The following RAB6B variants were observed in gnomAD, a reference collection of about 807,000 sequenced individuals.
RAB6B encodes the protein ras-related protein Rab-6B.
RAB6B carries 7 observed loss-of-function variants against 31.2 expected under a neutral mutation model. The ratio of observed to expected loss-of-function variants is 0.22; its 90% CI spans 0.13 to 0.42. RAB6B has a LOEUF of 0.42. RAB6B is among the 10% of genes least tolerant of loss of function. The pLI is 1.00. For synonymous variants in RAB6B, 105 were observed against 104.9 expected (o/e 1.00, Z -0.01); for missense variants, 149 against 280.6 (o/e 0.53, Z 3.35).
chr3:133,853,239 G>T (rs1936026977), intron 2 of RAB6B, among the ~76,000 whole-genome samples: 1 of 152,176 alleles, frequency 6.6e-6, no homozygotes, highest in Non-Finnish European at 1.5e-5. Context: ...GGGTATGAGT[G>T]TGTGTGAGCA....
intron 1 of RAB6B, among the ~76,000 whole-genome samples, chr3:133,886,784 TACTATTTCATTA>T (rs1051012930): frequency 2.0e-5 from 3 of 152,228 alleles, no homozygotes; most frequent in African/African-American, 7.2e-5. Flanking sequence ...AGATTGCTGT[TACTATTTCATTA>T]ACAAAATTAC....
At chr3:133,872,495 A>T (rs961778471) in intron 1 of RAB6B, among the ~76,000 whole-genome samples, 8 of 152,314 alleles carry the variant, frequency 5.3e-5, no homozygotes, top group African/African-American at 1.9e-4. Context: ...ACAGTTAGAG[A>T]CACCAGCTAT....
At chr3:133,884,303 C>T (rs1252371375) in intron 1 of RAB6B, among the ~76,000 whole-genome samples, 3 of 152,206 alleles carry the variant, frequency 2.0e-5, no homozygotes, top group Non-Finnish European at 2.9e-5. Context: ...TGAGCTGACC[C>T]GTGAGCAGGG....
intron 2 of RAB6B, among the ~76,000 whole-genome samples, chr3:133,841,892 C>T (rs779546430): frequency 6.6e-6 from 1 of 152,162 alleles, no homozygotes; most frequent in African/African-American, 2.4e-5. Flanking sequence ...GAGATCTTCT[C>T]TGGAGAGGGC....
intron 2 of RAB6B, among the ~76,000 whole-genome samples, chr3:133,860,359 G>A (rs915163055): frequency 5.3e-5 from 8 of 152,102 alleles, no homozygotes; most frequent in African/African-American, 1.7e-4. Context: ...AGACAGAGGC[G>A]GAGAGTGGAG....
At chr3:133,868,781 G>A (rs72976378) in intron 1 of RAB6B, among the ~76,000 whole-genome samples, 6,303 of 152,274 alleles carry the variant, frequency 0.041, 438 homozygotes, top group African/African-American at 0.14. Context: ...ATGCTAGAAA[G>A]AAGGAGAGGA....
chr3:133,834,401 C>T (rs2692669), intron 7 of RAB6B, among the ~76,000 whole-genome samples, 174 bp downstream of exon 7: 7,555 of 152,194 alleles, frequency 0.05, 480 homozygotes, highest in African/African-American at 0.14. Context: ...CAGACGGGGG[C>T]TCCAAACCAT....
Position 133,863,921 on chromosome 3 carries a change from C to T in RAB6B, c.129+663G>A, listed in dbSNP as rs552750125. On this transcript the variant is annotated intron_variant, in intron 2 of 7. Coordinates refer to ENST00000285208, the MANE Select transcript of RAB6B (RefSeq NM_016577.4). ...CAAACCTCCCTACTCACCAGTGGTG[C>T]CAGGAAAGTGACATGTTATTAACCC... 3.5e-4 allele frequency among the ~76,000 whole-genome samples: 53 copies of T among 152,284 alleles called. 1 individual carries two copies. Among genetic ancestry groups the T allele is most frequent in the African/African-American group, 1.3e-3 (52 of 41,552 alleles).
At position 133,895,785 on chromosome 3, in the gene RAB6B, G is replaced by T; in HGVS notation, c.-319C>A. ...GCTGGGAGAGAGGCGCGGGCGGAGC[G>T]GGGCGCAGGGACGGCGCGCGGGGCG... On this transcript the variant is annotated 5_prime_UTR_variant, in exon 1 of 8. Coordinates refer to ENST00000285208, the MANE Select transcript of RAB6B (RefSeq NM_016577.4). The T allele has an allele frequency of 2.8e-6, 1 of 351,384 alleles. No homozygotes were observed. Among genetic ancestry groups the T allele is most frequent in the South Asian group, 8.0e-5 (1 of 12,508 alleles). 21.8% of individuals were successfully genotyped at this position (351,384 alleles called of 1,614,324 possible).
At chr3:133,876,394 C>A (rs983462088) in intron 1 of RAB6B, among the ~76,000 whole-genome samples, 1 of 152,198 alleles carries the variant, frequency 6.6e-6, no homozygotes, top group Non-Finnish European at 1.5e-5. Context: ...CTATGAACTT[C>A]CCAATCATTC....
chr3:133,868,162 C>G (rs1936263501), intron 1 of RAB6B, among the ~76,000 whole-genome samples: 1 of 152,184 alleles, frequency 6.6e-6, no homozygotes, highest in Admixed American at 6.5e-5. Context: ...AAGCTCCTCT[C>G]CCCTCTAAAT....
intron 7 of RAB6B, 65 bp from the exon 8 acceptor site, chr3:133,828,917 G>A (rs1935615894): frequency 7.1e-7 from 1 of 1,401,500 alleles, no homozygotes. Context: ...TTAGCCCTGT[G>A]CACTGTACCC....
intron 1 of RAB6B, among the ~76,000 whole-genome samples, chr3:133,877,078 C>G (rs1208101585): frequency 6.6e-6 from 1 of 152,068 alleles, no homozygotes; most frequent in African/African-American, 2.4e-5. Flanking sequence ...AGGAGGGGAG[C>G]CCCACAGATT....
chr3:133,857,399 G>T (rs1382814518), intron 2 of RAB6B, among the ~76,000 whole-genome samples: 1 of 150,238 alleles, frequency 6.7e-6, no homozygotes, highest in Non-Finnish European at 1.5e-5. Flanking sequence ...TGAACCTGGG[G>T]CTTAAACCTA....
intron 6 of RAB6B, among the ~76,000 whole-genome samples, chr3:133,835,117 G>A (rs1935714017): frequency 6.6e-6 from 1 of 152,246 alleles, no homozygotes; most frequent in Non-Finnish European, 1.5e-5. Context: ...GAACAGCAGG[G>A]CCAGGGCTGC....
intron 2 of RAB6B, among the ~76,000 whole-genome samples, chr3:133,843,847 C>G (rs1486870932): frequency 2.6e-5 from 4 of 152,108 alleles, no homozygotes. Flanking sequence ...GTGGCCCATC[C>G]AGATGAGGAT....
At position 133,838,080 on chromosome 3, in the gene RAB6B, G is replaced by A. The variant is rs1324807458; in HGVS notation, c.495+86C>T. ...CCCAATCCCATCACCAGCCCTTCAGGGCAAGGCAGCTCTGAGCCTGCAGCT... is the reference window on the plus strand; with the variant it reads ...CCCAATCCCATCACCAGCCCTTCAGAGCAAGGCAGCTCTGAGCCTGCAGCT... On this transcript the variant is annotated intron_variant, in intron 6 of 7. Coordinates refer to ENST00000285208, the MANE Select transcript of RAB6B (RefSeq NM_016577.4). The A allele has an allele frequency of 3.6e-6, 5 of 1,387,822 alleles. No individual in the cohort carries two copies. In the East Asian group the frequency reaches 9.2e-5, roughly 25 times the overall value. The allele number at this position is 1,387,822 out of a possible 1,614,324, so 86.0% of individuals were successfully genotyped here.
chr3:133,889,944 A>G (rs947422487), intron 1 of RAB6B, among the ~76,000 whole-genome samples: 1 of 152,196 alleles, frequency 6.6e-6, no homozygotes, highest in African/African-American at 2.4e-5. Flanking sequence ...TACCAAGTAC[A>G]GGTTAATTCT....
chr3:133,883,599 G>A (rs1293774882), intron 1 of RAB6B, among the ~76,000 whole-genome samples: 3 of 152,136 alleles, frequency 2.0e-5, no homozygotes, highest in Non-Finnish European at 4.4e-5. Flanking sequence ...CTTCCCCAGT[G>A]CCCCTTGCTT....
Sources: gnomAD v4.1 joint callset for allele counts (sites outside exome capture counted in the v4.1 genomes callset) on GRCh38, gnomAD v4.1.1 for gene constraint, MANE v1.5 for transcripts, NCBI Gene and HGNC (gene_info 2026-07-23, HGNC 2026-07-21) for gene names.